TRIO: variants seen among roughly 807,000 people sequenced by gnomAD.
TRIO encodes trio Rho guanine nucleotide exchange factor.
Under a neutral mutation model 351.9 loss-of-function variants are expected in TRIO, and 58 were observed. The ratio of observed to expected loss-of-function variants is 0.16; its 90% CI spans 0.13 to 0.21. TRIO has a LOEUF of 0.21. TRIO is among the 10% of genes least tolerant of loss of function. The pLI is 1.00. For missense variants in TRIO, 3,201 were observed against 4,027.8 expected (o/e 0.79, Z 5.56); for synonymous variants, 1,758 against 1,595.7 (o/e 1.10, Z -2.42).
At chr5:14,488,756 C>T in intron 48 of TRIO, 2 of 587,196 alleles carry the variant, frequency 3.4e-6, no homozygotes, top group Non-Finnish European at 6.1e-6. Context: ...CTTCCAACAG[C>T]AACTCAAAGC....
chr5:14,418,439 A>G (rs1579598111), intron 33 of TRIO, among the ~76,000 whole-genome samples: 1 of 152,304 alleles, frequency 6.6e-6, no homozygotes, highest in East Asian at 1.9e-4. Context: ...GTGCAGAGAA[A>G]GGAAGTGATC....
At chr5:14,205,156 G>C (rs766235769) in intron 1 of TRIO, among the ~76,000 whole-genome samples, 5 of 152,192 alleles carry the variant, frequency 3.3e-5, no homozygotes, top group Admixed American at 1.3e-4. Flanking sequence ...AAAATCCACA[G>C]AACATCGTTG....
chr5:14,226,461 G>A (rs986251265), intron 1 of TRIO, among the ~76,000 whole-genome samples: 6 of 152,142 alleles, frequency 3.9e-5, no homozygotes, highest in East Asian at 1.9e-4. Context: ...GAGCGTGGAC[G>A]ACAAACAGAA....
intron 34 of TRIO, among the ~76,000 whole-genome samples, chr5:14,439,036 G>A (rs985260958): frequency 6.6e-6 from 1 of 151,942 alleles, no homozygotes; most frequent in Non-Finnish European, 1.5e-5. Flanking sequence ...TTGTTTGTTT[G>A]TTTGAGATGG....
chr5:14,364,130 C>T (rs920174281), intron 14 of TRIO, among the ~76,000 whole-genome samples: 2 of 152,216 alleles, frequency 1.3e-5, no homozygotes, highest in African/African-American at 4.8e-5. Context: ...ATGATATTCT[C>T]ACATACTATT....
At chr5:14,348,707 T>A (rs1008228002) in intron 11 of TRIO, among the ~76,000 whole-genome samples, 6 of 148,160 alleles carry the variant, frequency 4.0e-5, no homozygotes, top group Admixed American at 4.0e-4. Flanking sequence ...CCTGCATGTT[T>A]ATGTGTGTGT....
intron 25 of TRIO, among the ~76,000 whole-genome samples, chr5:14,389,786 A>G (rs1443132950): frequency 6.6e-6 from 1 of 152,170 alleles, no homozygotes; most frequent in Non-Finnish European, 1.5e-5. Flanking sequence ...TGAAGAAGCA[A>G]CAGAAGTGTA....
chr5:14,251,597 C>A (rs935208352), intron 1 of TRIO, among the ~76,000 whole-genome samples: 5 of 152,204 alleles, frequency 3.3e-5, no homozygotes, highest in African/African-American at 1.2e-4. Flanking sequence ...TTTGAAAAGG[C>A]CCCTCTTTCT....
chr5:14,284,151 T>C (rs1736245556), intron 3 of TRIO, among the ~76,000 whole-genome samples: 1 of 152,332 alleles, frequency 6.6e-6, no homozygotes, highest in African/African-American at 2.4e-5. Flanking sequence ...CAAGTAGAGT[T>C]TCTCTTTTTT....
chr5:14,506,889 T>C (rs1306266966), intron 55 of TRIO, among the ~76,000 whole-genome samples: 3 of 152,072 alleles, frequency 2.0e-5, no homozygotes, highest in Admixed American at 2.0e-4. Flanking sequence ...ACTGTGCCGC[T>C]CTACCACCGG....
At chr5:14,383,026 G>A (rs574003694) in intron 21 of TRIO, among the ~76,000 whole-genome samples, 1 of 152,300 alleles carries the variant, frequency 6.6e-6, no homozygotes, top group African/African-American at 2.4e-5. Flanking sequence ...TAATGGCTCA[G>A]TGCATCCTCA....
chr5:14,457,236 A>C (rs1010553778), intron 34 of TRIO, among the ~76,000 whole-genome samples: 2 of 152,198 alleles, frequency 1.3e-5, no homozygotes, highest in Non-Finnish European at 2.9e-5. Context: ...CGGCAAAATG[A>C]AAGAATGTCA....
chr5:14,250,296 C>T (rs1183794241), intron 1 of TRIO, among the ~76,000 whole-genome samples: 2 of 152,218 alleles, frequency 1.3e-5, no homozygotes, highest in Non-Finnish European at 2.9e-5. Context: ...AGCAGTTTAT[C>T]GGCTCAGAGC....
chr5:14,409,592 A>G (rs187184), intron 33 of TRIO, among the ~76,000 whole-genome samples: 2 of 151,702 alleles, frequency 1.3e-5, no homozygotes, highest in Non-Finnish European at 2.9e-5. Context: ...CCCAGCACTT[A>G]GGGAGGCCAA....
At chr5:14,474,266 A>G (rs889107519) in intron 40 of TRIO, among the ~76,000 whole-genome samples, 169 bp downstream of exon 40, 14 of 152,204 alleles carry the variant, frequency 9.2e-5, no homozygotes, top group African/African-American at 3.1e-4. Context: ...CTGCAGTAGC[A>G]TTTGGTGGCA....
chr5:14,471,227 A>G, intron 37 of TRIO, 91 bp from the exon 38 acceptor site: 3 of 1,384,656 alleles, frequency 2.2e-6, no homozygotes, highest in Non-Finnish European at 2.9e-6. Context: ...CATTTTCTGT[A>G]TTTTCTGACT....
intron 1 of TRIO, among the ~76,000 whole-genome samples, chr5:14,205,851 G>A (rs1461134877): frequency 6.6e-6 from 1 of 151,538 alleles, no homozygotes; most frequent in Non-Finnish European, 1.5e-5. Context: ...TCGTGCCTCA[G>A]CCTCCCGAAT....
At chr5:14,351,864 C>A (rs1419292383) in intron 11 of TRIO, among the ~76,000 whole-genome samples, 1 of 152,220 alleles carries the variant, frequency 6.6e-6, no homozygotes, top group Non-Finnish European at 1.5e-5. Flanking sequence ...GGGCCCTGAT[C>A]CTACTTTCGA....
At chr5:14,501,554 T>A (rs2126696586) in intron 53 of TRIO, among the ~76,000 whole-genome samples, 1 of 152,290 alleles carries the variant, frequency 6.6e-6, no homozygotes, top group Non-Finnish European at 1.5e-5. Flanking sequence ...CCCACTGCTA[T>A]GTGAGGAGAT....
Sources: allele counts gnomAD v4.1 joint callset (sites outside exome capture counted in the v4.1 genomes callset), GRCh38; gene constraint gnomAD v4.1.1; transcripts MANE v1.5; gene names NCBI Gene and HGNC (gene_info 2026-07-23, HGNC 2026-07-21).